The following BIRC6 variants were observed in gnomAD, a reference collection of about 807,000 sequenced individuals.
BIRC6 encodes baculoviral IAP repeat containing 6.
BIRC6 carries 98 observed loss-of-function variants against 503.3 expected under a neutral mutation model. The observed-to-expected ratio is 0.19, with a 90% CI of 0.17 to 0.23. BIRC6 has a LOEUF of 0.23. Among genes scored for constraint, BIRC6 ranks in the 10% least tolerant of loss-of-function variants. BIRC6 has a pLI of 1.00. For missense variants in BIRC6, 5,360 were observed against 5,806.0 expected (o/e 0.92, Z 2.50); for synonymous variants, 2,240 against 2,078.7 (o/e 1.08, Z -2.11).
chr2:32,518,524 C>T, intron 56 of BIRC6, 127 bp downstream of exon 56: 1 of 994,880 alleles, frequency 1.0e-6, no homozygotes, highest in Non-Finnish European at 1.4e-6. Flanking sequence ...AGCCTTTATA[C>T]CTAATGACAG....
At position 32,359,135 on chromosome 2, in the gene BIRC6, C is replaced by A. The variant is rs115632107; in HGVS notation, c.325+1649C>A. Among the ~76,000 whole-genome samples, 820 of 152,270 alleles carry A rather than the reference C, an allele frequency of 5.4e-3. 10 individuals are homozygous for A. The highest frequency in any genetic ancestry group is 0.019 in the African/African-American group (772 of 41,534). The stretch of plus-strand genomic sequence containing the variant: ...AATCCTCCCTCTTCATAAACGTTAT[C>A]TTTAATTTGATTTTATCCTTTTCAT... On this transcript the variant is annotated intron_variant, in intron 1 of 73. Transcript: ENST00000421745.
chr2:32,422,760 C>A (rs534379279), intron 10 of BIRC6, among the ~76,000 whole-genome samples: 4 of 152,036 alleles, frequency 2.6e-5, no homozygotes, highest in Admixed American at 1.3e-4. Context: ...TTAAGATTAC[C>A]CATTTTGTTG....
chr2:32,415,887 A>T lies in BIRC6; in HGVS notation c.2596A>T (p.Ile866Leu). The T allele has an allele frequency of 6.2e-7, 1 of 1,614,002 alleles. No homozygotes were observed. The highest frequency in any genetic ancestry group is 8.5e-7 in the Non-Finnish European group (1 of 1,179,882). ...ITSLILLPPDILDNREDDCEE... is the reference protein window; with the variant it reads ...ITSLILLPPDLLDNREDDCEE... ...CTCGCTCATTTTGCTTCCACCCGATATATTGGATAATCGAGAGGATGACTG... is the reference window on the plus strand; with the variant it reads ...CTCGCTCATTTTGCTTCCACCCGATTTATTGGATAATCGAGAGGATGACTG... The change falls in exon 10 of 74, where the codon ATA becomes TTA. Residue 866 changes from isoleucine (I) to leucine (L), a missense_variant. Around this residue, in one of 16 missense-constraint regions of BIRC6, gnomAD observed 700 missense variants for 739.3 expected, o/e 0.95. Transcript: ENST00000421745.
At chr2:32,602,229 T>C (rs1173656365) in intron 70 of BIRC6, among the ~76,000 whole-genome samples, 1 of 152,190 alleles carries the variant, frequency 6.6e-6, no homozygotes, top group Non-Finnish European at 1.5e-5. Flanking sequence ...AACTTGGTTA[T>C]ACACAGTGGA....
At chr2:32,389,533 A>G (rs2149526462) in intron 4 of BIRC6, among the ~76,000 whole-genome samples, 1 of 152,276 alleles carries the variant, frequency 6.6e-6, no homozygotes, top group East Asian at 1.9e-4. Context: ...ATTTTGTTTA[A>G]TTAATTAAAA....
intron 73 of BIRC6, among the ~76,000 whole-genome samples, chr2:32,616,440 A>C (rs2063243841): frequency 6.6e-6 from 1 of 151,930 alleles, no homozygotes; most frequent in Admixed American, 6.6e-5. Flanking sequence ...CATGCCTGTA[A>C]TAGCAGTTGC....
At position 32,515,558 on chromosome 2, in the gene BIRC6, A is replaced by G. The variant is rs758030713; in HGVS notation, c.11137A>G (p.Thr3713Ala). The G allele has an allele frequency of 2.4e-5, 39 of 1,613,868 alleles. No homozygotes were observed. Among genetic ancestry groups the G allele is most frequent in the African/African-American group, 1.3e-5 (1 of 74,942 alleles). The change falls in exon 55 of 74, where the codon ACA becomes GCA. Residue 3713 changes from threonine (T) to alanine (A), a missense_variant. Thr to Ala is a moderately conservative substitution (Grantham distance 58). Around this residue, in one of 16 missense-constraint regions of BIRC6, gnomAD observed 878 missense variants for 928.9 expected, o/e 0.95. Transcript: ENST00000421745. ...LGGSEVNPLW[T>A]ALLFLLCHSG... ...TGGTTCTGAAGTCAATCCACTATGG[A>G]CAGCACTTCTGTTTTTATTGTGTCA...
chr2:32,525,032 T>A lies in BIRC6; in HGVS notation c.11755+13T>A, dbSNP rs750554742. 6.7e-7 allele frequency: 1 copy of A among 1,487,338 alleles called. No individual in the cohort carries two copies. The highest frequency in any genetic ancestry group is 1.4e-5 in the African/African-American group (1 of 69,596). 92.1% of individuals were successfully genotyped at this position (1,487,338 alleles called of 1,614,324 possible). ...GTTGTTGCCTCTGGTATGCTTTCTA[T>A]TTTTTATAATCTTGATTTTGTTTGG... On this transcript the variant is annotated intron_variant, in intron 58 of 73. Transcript: ENST00000421745.
chr2:32,373,279 A>C (rs562172230), intron 1 of BIRC6, among the ~76,000 whole-genome samples: 1 of 152,366 alleles, frequency 6.6e-6, no homozygotes, highest in East Asian at 1.9e-4. Flanking sequence ...GACCCTAAAT[A>C]GTTCAACATA....
chr2:32,548,212 C>A (rs1456327059), intron 64 of BIRC6, among the ~76,000 whole-genome samples, 198 bp downstream of exon 64: 1 of 151,942 alleles, frequency 6.6e-6, no homozygotes, highest in Non-Finnish European at 1.5e-5. Context: ...TCCCTCTCAA[C>A]TAGCTTCTTC....
At chr2:32,420,459 A>T (rs2042812948) in intron 10 of BIRC6, among the ~76,000 whole-genome samples, 1 of 151,998 alleles carries the variant, frequency 6.6e-6, no homozygotes, top group Non-Finnish European at 1.5e-5. Context: ...GTCAGTTTTT[A>T]AGTTATGAAG....
At chr2:32,526,969 T>G (rs2056324959) in intron 59 of BIRC6, 1 of 152,320 alleles carries the variant, frequency 6.6e-6, no homozygotes, top group South Asian at 2.1e-4. Context: ...ATAATGCTGA[T>G]GAAATATATC....
rs1317371270 is a variant in BIRC6, at chr2:32,488,719, G to C, written c.8095+5G>C. ...CTGTTATTTCATTAAATCAAGGTAAGATTTATTAGGAGAAAAACATTATAG... is the reference window on the plus strand; with the variant it reads ...CTGTTATTTCATTAAATCAAGGTAACATTTATTAGGAGAAAAACATTATAG... On this transcript the variant is annotated splice_donor_5th_base_variant and intron_variant, in intron 42 of 73. Coordinates refer to ENST00000421745, the MANE Select transcript of BIRC6 (RefSeq NM_016252.4). 7.3e-7 allele frequency: 1 copy of C among 1,369,350 alleles called. No homozygotes were observed. The highest frequency in any genetic ancestry group is 9.9e-7 in the Non-Finnish European group (1 of 1,009,500). The allele number at this position is 1,369,350 out of a possible 1,614,324, so 84.8% of individuals were successfully genotyped here.
chr2:32,380,431 T>C (rs1355057572), intron 3 of BIRC6, 141 bp downstream of exon 3: 3 of 1,213,516 alleles, frequency 2.5e-6, no homozygotes, highest in Non-Finnish European at 3.2e-6. Flanking sequence ...TTATAAGTCA[T>C]CTTAAAGTTG....
intron 4 of BIRC6, among the ~76,000 whole-genome samples, chr2:32,391,012 G>A (rs1231704299): frequency 6.6e-6 from 1 of 152,082 alleles, no homozygotes; most frequent in African/African-American, 2.4e-5. Flanking sequence ...TATTCTTTGG[G>A]ATATGCCTGA....
At chr2:32,488,020 C>G (rs1351542295) in intron 41 of BIRC6, among the ~76,000 whole-genome samples, 2 of 120,014 alleles carry the variant, frequency 1.7e-5, no homozygotes, top group Admixed American at 9.6e-5. Flanking sequence ...TACTTTAATT[C>G]CTACTACACA....
intron 45 of BIRC6, among the ~76,000 whole-genome samples, chr2:32,494,735 C>CT (rs1443637485): frequency 6.6e-6 from 1 of 151,162 alleles, no homozygotes; most frequent in Non-Finnish European, 1.5e-5. Flanking sequence ...GACCCCTTCT[C>CT]TAAAAAAAAA....
intron 66 of BIRC6, among the ~76,000 whole-genome samples, chr2:32,593,444 T>G (rs182595882): frequency 2.0e-5 from 3 of 152,288 alleles, no homozygotes; most frequent in East Asian, 3.9e-4. Context: ...CATTAAAAGA[T>G]CCAATGTATA....
At chr2:32,488,300 A>AT (rs2051253515) in intron 41 of BIRC6, among the ~76,000 whole-genome samples, 1 of 152,094 alleles carries the variant, frequency 6.6e-6, no homozygotes, top group South Asian at 2.1e-4. Flanking sequence ...CTTGTCTCAA[A>AT]TAAAAAAAAA....
Sources: allele counts gnomAD v4.1 joint callset (sites outside exome capture counted in the v4.1 genomes callset), GRCh38; gene constraint gnomAD v4.1.1; regional missense constraint gnomAD v4.1.1; transcripts MANE v1.5; gene names NCBI Gene and HGNC (gene_info 2026-07-23, HGNC 2026-07-21).